Variants in PLCXD3 observed in about 807,000 individuals in gnomAD.
PLCXD3 encodes the protein phosphatidylinositol specific phospholipase C X domain containing 3.
In PLCXD3, 19 loss-of-function variants were observed where a neutral mutation model predicts 25.5. The observed-to-expected ratio is 0.75, with a 90% CI of 0.52 to 1.09. The LOEUF (loss-of-function observed/expected upper bound fraction) is 1.09. PLCXD3 is among the 50% of genes least tolerant of loss of function. PLCXD3 has a pLI of 0.00. For missense variants in PLCXD3, 411 were observed against 388.1 expected (o/e 1.06, Z -0.50); for synonymous variants, 174 against 137.6 (o/e 1.26, Z -1.85).
At chr5:41,446,491 A>T (rs960214787) in intron 1 of PLCXD3, among the ~76,000 whole-genome samples, 2 of 152,022 alleles carry the variant, frequency 1.3e-5, no homozygotes, top group Middle Eastern at 3.5e-3. Flanking sequence ...ATACTGGCAA[A>T]TGTAGCCTAT....
At chr5:41,481,119 A>G (rs1297555045) in intron 1 of PLCXD3, among the ~76,000 whole-genome samples, 2 of 150,650 alleles carry the variant, frequency 1.3e-5, no homozygotes, top group African/African-American at 2.5e-5. Flanking sequence ...AAAAAAAAAA[A>G]AAAAAAAAGA....
Position 41,472,025 on chromosome 5 carries a change from CTCT to C in PLCXD3, c.103+38396_103+38398del, listed in dbSNP as rs2150520346. On this transcript the variant is annotated intron_variant, in intron 1 of 2. Coordinates refer to ENST00000377801, the MANE Select transcript of PLCXD3 (RefSeq NM_001005473.3). ...TTTCTTCCTTTTTCTTTCTTTTCTT[CTCT>C]TCTTCTCTCCTACTTTGACAACCAA... Among the ~76,000 whole-genome samples, 4 of 142,992 alleles carry C rather than the reference CTCT, an allele frequency of 2.8e-5. No homozygotes were observed. In the South Asian group the frequency reaches 9.6e-4, roughly 34 times the overall value. 93.8% of individuals were successfully genotyped at this position (142,992 alleles called of 152,430 possible). A position where few individuals can be genotyped will look rare whatever the true frequency, so the allele number is the denominator to read the frequency against.
intron 1 of PLCXD3, among the ~76,000 whole-genome samples, chr5:41,469,171 A>G (rs959921056): frequency 3.3e-5 from 5 of 152,216 alleles, no homozygotes; most frequent in African/African-American, 1.2e-4. Context: ...AATGTGGTAT[A>G]TCACATTTAT....
chr5:41,453,869 C>T (rs1448495903), intron 1 of PLCXD3, among the ~76,000 whole-genome samples: 1 of 151,904 alleles, frequency 6.6e-6, no homozygotes, highest in East Asian at 1.9e-4. Context: ...TTCTTGAGGG[C>T]CATGGTTCAA....
At position 41,468,830 on chromosome 5, in the gene PLCXD3, C is replaced by T. The variant is rs561701411; in HGVS notation, c.103+41594G>A. On this transcript the variant is annotated intron_variant, in intron 1 of 2. Coordinates refer to ENST00000377801, the MANE Select transcript of PLCXD3 (RefSeq NM_001005473.3). ...TAATCTTACATATAAAATATAGAGA[C>T]AATTTCACTTCCTCTATTGCTATGA... Among the ~76,000 whole-genome samples, 11 of 152,188 alleles carry T rather than the reference C, an allele frequency of 7.2e-5. No homozygotes were observed. In the South Asian group the frequency reaches 2.3e-3, roughly 32 times the overall value.
intron 2 of PLCXD3, among the ~76,000 whole-genome samples, chr5:41,366,721 T>G (rs1290659523): frequency 6.6e-6 from 1 of 152,230 alleles, no homozygotes; most frequent in Non-Finnish European, 1.5e-5. Flanking sequence ...TAGGTAAATG[T>G]GTGCATGGTG....
intron 1 of PLCXD3, among the ~76,000 whole-genome samples, chr5:41,434,734 A>C (rs76079568): frequency 0.043 from 6,597 of 152,282 alleles, 199 homozygotes; most frequent in Non-Finnish European, 0.064. Flanking sequence ...AGGAAGGGAC[A>C]GGCATTGTGT....
At chr5:41,475,020 C>G (rs1430616806) in intron 1 of PLCXD3, among the ~76,000 whole-genome samples, 3 of 152,176 alleles carry the variant, frequency 2.0e-5, no homozygotes, top group Non-Finnish European at 4.4e-5. Context: ...GAAGACAGTA[C>G]AAGCCAATTT....
intron 2 of PLCXD3, among the ~76,000 whole-genome samples, chr5:41,360,289 G>T (rs980283002): frequency 6.6e-6 from 1 of 151,934 alleles, no homozygotes; most frequent in Non-Finnish European, 1.5e-5. Flanking sequence ...ATTTAAGTTG[G>T]ACTTCACCTT....
chr5:41,381,709 A>G (rs1390100286), intron 2 of PLCXD3, 117 bp downstream of exon 2: 4 of 877,828 alleles, frequency 4.6e-6, no homozygotes, highest in Non-Finnish European at 6.9e-6. Context: ...GTACTTTGCT[A>G]TTGCAGCCCC....
intron 1 of PLCXD3, among the ~76,000 whole-genome samples, chr5:41,463,672 G>A (rs1399740426): frequency 6.6e-6 from 1 of 151,864 alleles, no homozygotes; most frequent in Non-Finnish European, 1.5e-5. Context: ...TGGGTCAGAG[G>A]CTCCACATCT....
intron 2 of PLCXD3, among the ~76,000 whole-genome samples, chr5:41,364,780 A>C (rs1744889336): frequency 6.6e-6 from 1 of 152,212 alleles, no homozygotes; most frequent in African/African-American, 2.4e-5. Context: ...AAGTCCCAGC[A>C]GTGGCTCCCT....
intron 1 of PLCXD3, among the ~76,000 whole-genome samples, chr5:41,434,130 T>C (rs1320824106): frequency 1.3e-5 from 2 of 152,168 alleles, no homozygotes; most frequent in Non-Finnish European, 2.9e-5. Context: ...TATTTGCCAA[T>C]AACTGTGGAT....
chr5:41,501,020 C>G (rs1028832591), intron 1 of PLCXD3, among the ~76,000 whole-genome samples: 1 of 151,902 alleles, frequency 6.6e-6, no homozygotes, highest in Non-Finnish European at 1.5e-5. Flanking sequence ...CACCTAATAC[C>G]TGTTAGGATG....
In PLCXD3 at chr5:41,488,749, G is replaced by A. The variant is rs1476693267; in HGVS notation, c.103+21675C>T. ...CTTCTTTTGAGAAGTGTCTGTTCAT[G>A]TCCTTTGCCCACTTTTTGATGGGGT... On this transcript the variant is annotated intron_variant, in intron 1 of 2. Coordinates refer to ENST00000377801, the MANE Select transcript of PLCXD3 (RefSeq NM_001005473.3). Among the ~76,000 whole-genome samples, 19 of 147,150 alleles carry A rather than the reference G, an allele frequency of 1.3e-4. 1 individual carries two copies. The South Asian group carries it at 3.2e-3, about 24-fold the overall frequency.
chr5:41,379,868 A>G (rs1745402848), intron 2 of PLCXD3, among the ~76,000 whole-genome samples: 1 of 152,126 alleles, frequency 6.6e-6, no homozygotes, highest in Non-Finnish European at 1.5e-5. Flanking sequence ...TACCATACAA[A>G]TATAAGAAAT....
rs1444949807 is a variant in PLCXD3 at position 41,480,728 on chromosome 5, C to T, written c.103+29696G>A. On this transcript the variant is annotated intron_variant, in intron 1 of 2. Transcript: ENST00000377801. Reference sequence around the variant, plus strand: ...CTGAGGTCAGGATTTCAAGACCAGCCTGGCCAACACGGTGAAACCCCGTCT... The same window carrying T: ...CTGAGGTCAGGATTTCAAGACCAGCTTGGCCAACACGGTGAAACCCCGTCT... Among the ~76,000 whole-genome samples the T allele has an allele frequency of 2.0e-5, 3 of 152,082 alleles. No homozygotes were observed. In the East Asian group the frequency reaches 5.8e-4, roughly 30 times the overall value.
chr5:41,333,963 T>G (rs1413337840), intron 2 of PLCXD3, among the ~76,000 whole-genome samples: 1 of 152,202 alleles, frequency 6.6e-6, no homozygotes, highest in Non-Finnish European at 1.5e-5. Flanking sequence ...ACCCCATTTA[T>G]AGCTTGATAA....
At position 41,356,947 on chromosome 5, in the gene PLCXD3, A is replaced by G. The variant is rs192765401; in HGVS notation, c.812+24879T>C. ...GTTAGCTGCTAGAATTAGCTGCACAATTATCCCGGTCACACCAAATGGTCA... is the reference window on the plus strand; with the variant it reads ...GTTAGCTGCTAGAATTAGCTGCACAGTTATCCCGGTCACACCAAATGGTCA... On this transcript the variant is annotated intron_variant, in intron 2 of 2. Transcript: ENST00000377801. 2.8e-4 allele frequency among the ~76,000 whole-genome samples: 43 copies of G among 152,314 alleles called. 1 individual carries two copies. Among genetic ancestry groups the G allele is most frequent in the African/African-American group, 9.6e-4 (40 of 41,568 alleles).
Sources: gnomAD v4.1 joint callset for allele counts (sites outside exome capture counted in the v4.1 genomes callset) on GRCh38, gnomAD v4.1.1 for gene constraint, MANE v1.5 for transcripts, NCBI Gene and HGNC (gene_info 2026-07-23, HGNC 2026-07-21) for gene names.